Variants in NAALADL2 observed in about 807,000 individuals in gnomAD.
NAALADL2 encodes the protein N-acetylated alpha-linked acidic dipeptidase like 2.
A neutral mutation model predicts 87.2 loss-of-function variants in NAALADL2; 76 were observed. That is an observed-to-expected ratio of 0.87 (90% CI 0.72 to 1.05). NAALADL2 has a LOEUF of 1.05. Ranked by LOEUF, NAALADL2 falls within the 50% of genes least tolerant of loss-of-function variation. The probability of loss-of-function intolerance (pLI) is 0.00; values close to 1 mark genes in which losing one functional copy is unlikely to be tolerated. For missense variants in NAALADL2, 1,089 were observed against 945.8 expected (o/e 1.15, Z -1.99); for synonymous variants, 354 against 331.0 (o/e 1.07, Z -0.75).
intron 11 of NAALADL2, among the ~76,000 whole-genome samples, chr3:175,716,724 G>A (rs1330473503): frequency 6.6e-6 from 1 of 152,086 alleles, no homozygotes; most frequent in Non-Finnish European, 1.5e-5. Flanking sequence ...GTATTTGAGG[G>A]CAATGGGAAG....
intron 1 of NAALADL2, among the ~76,000 whole-genome samples, chr3:174,888,452 G>A (rs1457234280): frequency 1.3e-5 from 2 of 152,162 alleles, no homozygotes; most frequent in African/African-American, 4.8e-5. Flanking sequence ...TGAAATAATA[G>A]GCTCACTTCA....
intron 1 of NAALADL2, among the ~76,000 whole-genome samples, chr3:174,908,472 G>A (rs182558226): frequency 2.0e-5 from 3 of 152,232 alleles, no homozygotes; most frequent in Admixed American, 6.5e-5. Context: ...AAACAGGCCA[G>A]TGGCTACAGA....
chr3:174,747,850 A>C (rs1734417016), intron 3 of NAALADL2, among the ~76,000 whole-genome samples: 1 of 152,162 alleles, frequency 6.6e-6, no homozygotes, highest in South Asian at 2.1e-4. Context: ...TATTATAAAG[A>C]TACATGCATG....
At chr3:175,320,547 C>G (rs939084393) in intron 4 of NAALADL2, among the ~76,000 whole-genome samples, 1 of 152,138 alleles carries the variant, frequency 6.6e-6, no homozygotes, top group African/African-American at 2.4e-5. Flanking sequence ...AGGTTCAGGA[C>G]AGTGGCTATT....
intron 13 of NAALADL2, among the ~76,000 whole-genome samples, chr3:175,782,663 C>G (rs1461828552): frequency 4.5e-5 from 6 of 134,618 alleles, no homozygotes; most frequent in Non-Finnish European, 7.7e-5. Context: ...GTTGCCTGTT[C>G]ACTCTGATGG....
intron 2 of NAALADL2, among the ~76,000 whole-genome samples, chr3:175,154,137 C>A (rs903778105): frequency 2.0e-5 from 3 of 152,104 alleles, no homozygotes; most frequent in Non-Finnish European, 2.9e-5. Flanking sequence ...ATGATAATTT[C>A]TAGGTGATTT....
At chr3:175,286,521 T>G (rs565111582) in intron 4 of NAALADL2, among the ~76,000 whole-genome samples, 1 of 152,286 alleles carries the variant, frequency 6.6e-6, no homozygotes, top group East Asian at 1.9e-4. Flanking sequence ...AGATCCAAAA[T>G]AATGCTTTCC....
At chr3:175,327,863 C>T (rs920072777) in intron 5 of NAALADL2, among the ~76,000 whole-genome samples, 7 of 152,066 alleles carry the variant, frequency 4.6e-5, no homozygotes, top group Non-Finnish European at 5.9e-5. Context: ...GTGTCAATGC[C>T]ATGAATCAAA....
intron 2 of NAALADL2, among the ~76,000 whole-genome samples, chr3:174,708,984 TCTTTA>T (rs1474138092): frequency 6.6e-6 from 1 of 152,138 alleles, no homozygotes; most frequent in Non-Finnish European, 1.5e-5. Flanking sequence ...TAGTCCTTAA[TCTTTA>T]CTTCTCAACC....
intron 11 of NAALADL2, among the ~76,000 whole-genome samples, chr3:175,646,907 G>T (rs1730088183): frequency 1.3e-5 from 2 of 152,034 alleles, no homozygotes; most frequent in Non-Finnish European, 2.9e-5. Flanking sequence ...AGATAATGCT[G>T]CAGTAACAAG....
chr3:175,323,731 G>A (rs1430335314), intron 4 of NAALADL2, among the ~76,000 whole-genome samples: 1 of 151,486 alleles, frequency 6.6e-6, no homozygotes, highest in Non-Finnish European at 1.5e-5. Context: ...TATTTTAAAA[G>A]AAAAGGCCGG....
chr3:175,419,646 C>T (rs902077053), intron 5 of NAALADL2, among the ~76,000 whole-genome samples: 4 of 151,880 alleles, frequency 2.6e-5, no homozygotes, highest in South Asian at 4.2e-4. Context: ...ATCGTATTTC[C>T]GTTTTGTTCC....
chr3:175,418,979 T>C (rs189606502), intron 5 of NAALADL2, among the ~76,000 whole-genome samples: 80 of 152,086 alleles, frequency 5.3e-4, no homozygotes, highest in Admixed American at 1.3e-3. Context: ...AACCTTCCTG[T>C]TGAGTGATCA....
At chr3:175,037,917 C>T (rs369042542) in intron 1 of NAALADL2, among the ~76,000 whole-genome samples, 75 of 152,212 alleles carry the variant, frequency 4.9e-4, no homozygotes, top group African/African-American at 1.7e-3. Context: ...GAAGCCTCTG[C>T]TGCCTGGAAG....
intron 3 of NAALADL2, among the ~76,000 whole-genome samples, chr3:174,804,083 G>C (rs1389208347): frequency 1.3e-5 from 2 of 152,042 alleles, no homozygotes; most frequent in African/African-American, 4.8e-5. Flanking sequence ...TCACAATATT[G>C]ATTCTTCCTA....
At chr3:175,544,102 A>G (rs1712861232) in intron 9 of NAALADL2, among the ~76,000 whole-genome samples, 1 of 152,292 alleles carries the variant, frequency 6.6e-6, no homozygotes, top group South Asian at 2.1e-4. Flanking sequence ...AAAGTTCAAC[A>G]GTGTCAGGAT....
rs150648367 is a variant in NAALADL2 at position 174,945,864 on chromosome 3, G to A, written c.43+86414G>A. Among the ~76,000 whole-genome samples the A allele has an allele frequency of 6.8e-3, 1,028 of 151,896 alleles. 13 individuals carry two copies. The highest frequency in any genetic ancestry group is 0.024 in the African/African-American group (1,008 of 41,404). ...AGATCAAGACCATCCTGGCTAACAC[G>A]GTGAAACCAGTCTCTACTAAAAATA... is the stretch of plus-strand genomic sequence containing the variant. On this transcript the variant is annotated intron_variant, in intron 1 of 13. Coordinates refer to ENST00000454872, the MANE Select transcript of NAALADL2 (RefSeq NM_207015.3).
intron 2 of NAALADL2, among the ~76,000 whole-genome samples, chr3:174,611,838 A>G (rs1406292747): frequency 6.6e-6 from 1 of 150,416 alleles, no homozygotes; most frequent in Non-Finnish European, 1.5e-5. Context: ...CTTGTGTTCC[A>G]CCTGCTTCTG....
chr3:175,492,770 A>G (rs1428611964), intron 9 of NAALADL2, among the ~76,000 whole-genome samples: 1 of 152,136 alleles, frequency 6.6e-6, no homozygotes, highest in Non-Finnish European at 1.5e-5. Context: ...TGTAAATATT[A>G]TTCCACTAAT....
Sources: allele counts gnomAD v4.1 joint callset (sites outside exome capture counted in the v4.1 genomes callset), GRCh38; gene constraint gnomAD v4.1.1; transcripts MANE v1.5; gene names NCBI Gene and HGNC (gene_info 2026-07-23, HGNC 2026-07-21).